ANLN: variants seen among roughly 807,000 people sequenced by gnomAD.
The protein encoded by ANLN is anillin.
ANLN carries 59 observed loss-of-function variants against 135.1 expected under a neutral mutation model. The observed-to-expected ratio is 0.44, with a 90% CI of 0.35 to 0.54. The LOEUF (loss-of-function observed/expected upper bound fraction) is 0.54. ANLN is among the 20% of genes least tolerant of loss of function. ANLN has a pLI of 0.00. For missense variants in ANLN, 1,182 were observed against 1,340.0 expected (o/e 0.88, Z 1.84); for synonymous variants, 406 against 456.4 (o/e 0.89, Z 1.41).
chr7:36,444,946 A>G (rs1179641996), intron 22 of ANLN, among the ~76,000 whole-genome samples: 2 of 151,962 alleles, frequency 1.3e-5, no homozygotes, highest in Non-Finnish European at 2.9e-5. Context: ...AATTTGTGAA[A>G]TGTTTGAGAC....
At chr7:36,422,134 A>G (rs955151520) in intron 13 of ANLN, 142 bp downstream of exon 13, 1 of 1,073,862 alleles carries the variant, frequency 9.3e-7, no homozygotes, top group Non-Finnish European at 1.3e-6. Flanking sequence ...TCTTGTTTTT[A>G]TAAGGTTTAA....
At chr7:36,409,923 C>T (rs1250164628) in intron 5 of ANLN, among the ~76,000 whole-genome samples, 4 of 152,094 alleles carry the variant, frequency 2.6e-5, no homozygotes, top group African/African-American at 4.8e-5. Flanking sequence ...CCACCCGCCT[C>T]GGCCACCCAG....
chr7:36,396,433 T>A lies in ANLN; in HGVS notation c.172+14T>A. 6.6e-7 allele frequency: 1 copy of A among 1,526,144 alleles called. No homozygotes were observed. The highest frequency in any genetic ancestry group is 8.9e-7 in the Non-Finnish European group (1 of 1,129,538). 94.5% of individuals were successfully genotyped at this position (1,526,144 alleles called of 1,614,324 possible). ...CTGGTGGTGAAGGTAAAAGACTTTG[T>A]GGGGAAAAATAACATTTACTTTTTT... On this transcript the variant is annotated intron_variant, in intron 2 of 23. Coordinates refer to ENST00000265748, the MANE Select transcript of ANLN (RefSeq NM_018685.5).
At chr7:36,443,039 A>G (rs1432108707) in intron 21 of ANLN, among the ~76,000 whole-genome samples, 1 of 151,982 alleles carries the variant, frequency 6.6e-6, no homozygotes, top group African/African-American at 2.4e-5. Context: ...CTTAGCTTCT[A>G]CTTACCCTGT....
intron 22 of ANLN, 26 bp from the exon 23 acceptor site, chr7:36,449,639 T>C: frequency 1.3e-6 from 2 of 1,575,966 alleles, no homozygotes; most frequent in Non-Finnish European, 1.7e-6. Context: ...TATTTTCTAC[T>C]AATTTCTCTT....
At chr7:36,435,195 A>T (rs1356672449) in intron 20 of ANLN, among the ~76,000 whole-genome samples, 5 of 152,218 alleles carry the variant, frequency 3.3e-5, no homozygotes, top group African/African-American at 1.2e-4. Flanking sequence ...ACAAATGAAT[A>T]CACCTATATA....
At chr7:36,433,175 A>G (rs1272560314) in intron 20 of ANLN, among the ~76,000 whole-genome samples, 1 of 152,092 alleles carries the variant, frequency 6.6e-6, no homozygotes, top group Non-Finnish European at 1.5e-5. Context: ...TATATTTACC[A>G]TTTCTGGTGT....
intron 3 of ANLN, among the ~76,000 whole-genome samples, chr7:36,401,519 A>G (rs1352829661): frequency 6.6e-6 from 1 of 151,728 alleles, no homozygotes; most frequent in Non-Finnish European, 1.5e-5. Flanking sequence ...TTGTATTTTT[A>G]GTAGAGATGA....
In ANLN at chr7:36,435,335, T is replaced by C. The variant is rs150816867; in HGVS notation, c.2884-3869T>C. On this transcript the variant is annotated intron_variant, in intron 20 of 23. Coordinates refer to ENST00000265748, the MANE Select transcript of ANLN (RefSeq NM_018685.5). ...GTTTTGCTTGTTCTTGAGCTTCATT[T>C]ATTGTTTTTATTTTTTATTTTTATC... Among the ~76,000 whole-genome samples, 855 of 151,920 alleles carry C rather than the reference T, an allele frequency of 5.6e-3. 9 individuals are homozygous for C. Among genetic ancestry groups the C allele is most frequent in the African/African-American group, 0.019 (804 of 41,434 alleles).
chr7:36,405,616 A>G (rs761271270), intron 3 of ANLN, among the ~76,000 whole-genome samples: 3 of 152,258 alleles, frequency 2.0e-5, no homozygotes, highest in Non-Finnish European at 4.4e-5. Context: ...TGAAGTAACT[A>G]TGCAGAAAAA....
chr7:36,413,515 G>A (rs370800871), intron 7 of ANLN, among the ~76,000 whole-genome samples: 1 of 152,166 alleles, frequency 6.6e-6, no homozygotes, highest in Non-Finnish European at 1.5e-5. Flanking sequence ...TATAGAGCAG[G>A]GTTCTTAAAC....
At position 36,389,945 on chromosome 7, in the gene ANLN, G is replaced by A. The variant is rs1562777830; in HGVS notation, c.-82G>A. On this transcript the variant is annotated 5_prime_UTR_variant, in exon 1 of 24. Transcript: ENST00000265748. ...CTCAGACTCCTGGTTTTTTCCAGGA[G>A]ACACACTGAGCTGAGACTCACTTTT... 1 of 1,613,174 alleles carries A rather than the reference G, an allele frequency of 6.2e-7. No homozygotes were observed. Among genetic ancestry groups the A allele is most frequent in the East Asian group, 2.2e-5 (1 of 44,864 alleles).
chr7:36,417,270 T>C lies in ANLN; in HGVS notation c.1633+80T>C, dbSNP rs1787683528. 5.2e-6 allele frequency: 4 copies of C among 769,784 alleles called. No individual in the cohort carries two copies. The South Asian group carries it at 7.8e-5, about 15-fold the overall frequency. The allele number at this position is 769,784 out of a possible 1,614,324, so 47.7% of individuals were successfully genotyped here. ...ATATTGATAGAAGCACATATTCAAA[T>C]TGAGAGTATCTCTGCTTTTTAAATT... On this transcript the variant is annotated intron_variant, in intron 9 of 23. Transcript: ENST00000265748.
chr7:36,418,472 G>C (rs1160397991), intron 9 of ANLN, among the ~76,000 whole-genome samples: 1 of 152,176 alleles, frequency 6.6e-6, no homozygotes. Context: ...TAGGAACTGT[G>C]GACGAAAACC....
chr7:36,393,946 G>T (rs546655018), intron 1 of ANLN, among the ~76,000 whole-genome samples: 10 of 151,344 alleles, frequency 6.6e-5, no homozygotes, highest in Admixed American at 2.6e-4. Flanking sequence ...CCCTTGCCTG[G>T]CATGGCCTTA....
chr7:36,414,761 A>G (rs1353598629), intron 7 of ANLN, among the ~76,000 whole-genome samples: 1 of 152,214 alleles, frequency 6.6e-6, no homozygotes, highest in African/African-American at 2.4e-5. Context: ...CATTGTTTTT[A>G]CACAACCAAA....
intron 5 of ANLN, among the ~76,000 whole-genome samples, chr7:36,408,454 T>A (rs2116587638): frequency 6.6e-6 from 1 of 152,326 alleles, no homozygotes; most frequent in Non-Finnish European, 1.5e-5. Context: ...TGTTTATTGA[T>A]AAATAATAGA....
chr7:36,452,382 G>C lies in ANLN; in HGVS notation c.3252-95G>C. ...GGTGGTTAAAGGTAATTCATTTACT[G>C]GTTTATTTAGTCATTTTTTTCCCTA... On this transcript the variant is annotated intron_variant, in intron 23 of 23. Coordinates refer to ENST00000265748, the MANE Select transcript of ANLN (RefSeq NM_018685.5). The C allele has an allele frequency of 4.6e-6, 7 of 1,510,426 alleles. No individual in the cohort carries two copies. In the South Asian group the frequency reaches 7.2e-5, roughly 15 times the overall value. The allele number at this position is 1,510,426 out of a possible 1,614,324, so 93.6% of individuals were successfully genotyped here.
chr7:36,450,413 G>A (rs1789195134), intron 23 of ANLN, among the ~76,000 whole-genome samples: 1 of 152,164 alleles, frequency 6.6e-6, no homozygotes, highest in Admixed American at 6.5e-5. Context: ...AGTGTACAGA[G>A]TTGTCATTAG....
Sources: gnomAD v4.1 joint callset for allele counts (sites outside exome capture counted in the v4.1 genomes callset) on GRCh38, gnomAD v4.1.1 for gene constraint, MANE v1.5 for transcripts, NCBI Gene and HGNC (gene_info 2026-07-23, HGNC 2026-07-21) for gene names.